The following GSKIP variants were observed in gnomAD, a reference collection of about 807,000 sequenced individuals.
GSKIP encodes the protein GSK3B-interacting protein.
In GSKIP, 5 loss-of-function variants were observed where a neutral mutation model predicts 11.9. That is an observed-to-expected ratio of 0.42 (90% CI 0.22 to 0.89). The LOEUF (loss-of-function observed/expected upper bound fraction) is 0.89. Among genes scored for constraint, GSKIP ranks in the 40% least tolerant of loss-of-function variants. The pLI is 0.29. For synonymous variants in GSKIP, 70 were observed against 62.9 expected (o/e 1.11, Z -0.54); for missense variants, 150 against 166.6 (o/e 0.90, Z 0.55).
chr14:96,370,636 T>C (rs930519), intron 1 of GSKIP, among the ~76,000 whole-genome samples: 135,747 of 152,106 alleles, frequency 0.89, 60,938 homozygotes, highest in Middle Eastern at 0.93. Flanking sequence ...ATCTCCTGCT[T>C]TCTATCTACC....
At chr14:96,376,693 TATG>T (rs1182538083) in intron 1 of GSKIP, among the ~76,000 whole-genome samples, 1 of 152,210 alleles carries the variant, frequency 6.6e-6, no homozygotes, top group Non-Finnish European at 1.5e-5. Context: ...GGAGAATAAT[TATG>T]ATGTGTGTGT....
rs1889487531 is a variant in GSKIP at position 96,386,247 on chromosome 14, ATTAC to A, written c.*567_*570del. On this transcript the variant is annotated 3_prime_UTR_variant, in exon 4 of 4. Transcript: ENST00000555181. ...ATTAATAAAGATGAATTAATTATAT[ATTAC>A]TTAACTAGTATTAAATGAAAAACAG... is the stretch of plus-strand genomic sequence containing the variant. 6.6e-6 allele frequency: 1 copy of A among 152,396 alleles called. No individual in the cohort carries two copies. Among genetic ancestry groups the A allele is most frequent in the Non-Finnish European group, 1.5e-5 (1 of 68,034 alleles). The allele number at this position is 152,396 out of a possible 1,614,324, so 9.4% of individuals were successfully genotyped here.
chr14:96,375,459 C>T lies in GSKIP; in HGVS notation c.-102-4229C>T, dbSNP rs190374649. On this transcript the variant is annotated intron_variant, in intron 1 of 3. Coordinates refer to ENST00000555181, the MANE Select transcript of GSKIP (RefSeq NM_016472.5). ...CTCTTTTTTTTTTTTTTTGAGACAG[C>T]GTCTCACTCTGTTGCCCCGGCTAGA... is the stretch of plus-strand genomic sequence containing the variant. Among the ~76,000 whole-genome samples, 578 of 146,558 alleles carry T rather than the reference C, an allele frequency of 3.9e-3. 4 individuals carry two copies. The highest frequency in any genetic ancestry group is 0.014 in the African/African-American group (559 of 39,454).
At chr14:96,376,369 C>T (rs1045331206) in intron 1 of GSKIP, among the ~76,000 whole-genome samples, 17 of 152,314 alleles carry the variant, frequency 1.1e-4, no homozygotes, top group Admixed American at 1.0e-3. Flanking sequence ...TTTTTCACAA[C>T]TCTCAAGACC....
At chr14:96,367,629 C>T (rs887744715) in intron 1 of GSKIP, among the ~76,000 whole-genome samples, 2 of 152,088 alleles carry the variant, frequency 1.3e-5, no homozygotes, top group Non-Finnish European at 2.9e-5. Flanking sequence ...ATGCTCTGAA[C>T]TCGTAATGAA....
intron 1 of GSKIP, among the ~76,000 whole-genome samples, chr14:96,372,487 G>C (rs1889074021): frequency 6.6e-6 from 1 of 152,224 alleles, no homozygotes; most frequent in South Asian, 2.1e-4. Flanking sequence ...CTGAATTTTA[G>C]AGGACTAAAA....
intron 1 of GSKIP, among the ~76,000 whole-genome samples, chr14:96,375,422 ATTTC>A (rs924152143): frequency 8.3e-5 from 12 of 144,856 alleles, no homozygotes; most frequent in Middle Eastern, 7.5e-3. Context: ...AAAGAAATTT[ATTTC>A]TTTTTCTCTC....
intron 1 of GSKIP, among the ~76,000 whole-genome samples, chr14:96,373,980 A>C (rs1271171925): frequency 1.3e-5 from 2 of 152,264 alleles, no homozygotes; most frequent in Non-Finnish European, 2.9e-5. Flanking sequence ...CCAGGCATGC[A>C]GAGCAGCAGA....
intron 1 of GSKIP, among the ~76,000 whole-genome samples, chr14:96,375,881 A>G (rs1400468512): frequency 6.6e-6 from 1 of 152,218 alleles, no homozygotes; most frequent in Non-Finnish European, 1.5e-5. Context: ...GCTGGCTCAC[A>G]TCTTTCCCCC....
At chr14:96,375,668 G>A (rs746931330) in intron 1 of GSKIP, among the ~76,000 whole-genome samples, 32 of 152,220 alleles carry the variant, frequency 2.1e-4, no homozygotes, top group African/African-American at 3.4e-4. Context: ...TCCTGACCTC[G>A]TGATCCACCC....
chr14:96,374,654 A>G (rs1400700465), intron 1 of GSKIP, among the ~76,000 whole-genome samples: 2 of 152,216 alleles, frequency 1.3e-5, no homozygotes, highest in Admixed American at 1.3e-4. Context: ...GGTGTATGCT[A>G]CTGCATCCAA....
chr14:96,378,013 G>A (rs1889247564), intron 1 of GSKIP, among the ~76,000 whole-genome samples: 1 of 152,190 alleles, frequency 6.6e-6, no homozygotes, highest in South Asian at 2.1e-4. Flanking sequence ...TTTAAGAGAA[G>A]CATGTAAACT....
intron 1 of GSKIP, among the ~76,000 whole-genome samples, chr14:96,366,839 G>A (rs1346154182): frequency 6.6e-6 from 1 of 152,252 alleles, no homozygotes; most frequent in African/African-American, 2.4e-5. Context: ...GTATGCCAGA[G>A]GCTAAATGGG....
At chr14:96,373,059 G>GT (rs1889093869) in intron 1 of GSKIP, among the ~76,000 whole-genome samples, 1 of 151,750 alleles carries the variant, frequency 6.6e-6, no homozygotes, top group Non-Finnish European at 1.5e-5. Flanking sequence ...ATGAAACCCC[G>GT]TCTATACTAA....
intron 3 of GSKIP, among the ~76,000 whole-genome samples, chr14:96,383,394 TAAAAAAA>T (rs35652932): frequency 1.4e-5 from 2 of 140,388 alleles, no homozygotes; most frequent in Admixed American, 7.1e-5. Flanking sequence ...AGACCCTGTT[TAAAAAAA>T]AAAAAAAACT....
intron 1 of GSKIP, among the ~76,000 whole-genome samples, chr14:96,370,402 G>A (rs1000064310): frequency 7.3e-5 from 11 of 151,204 alleles, no homozygotes; most frequent in Non-Finnish European, 1.6e-4. Context: ...GATATGGTTC[G>A]TTTGGCCCCA....
intron 1 of GSKIP, among the ~76,000 whole-genome samples, chr14:96,376,704 T>C (rs1193634957): frequency 6.6e-6 from 1 of 152,236 alleles, no homozygotes; most frequent in Admixed American, 6.5e-5. Context: ...ATGATGTGTG[T>C]GTATGGCATT....
Position 96,386,433 on chromosome 14 carries a change from G to T in GSKIP, c.*749G>T, listed in dbSNP as rs968025614. The stretch of plus-strand genomic sequence containing the variant: ...CTTCATTCTTTTTCTTAACAAAAAA[G>T]CATCTTCAGTGTGTGATTTAAAAGA... On this transcript the variant is annotated 3_prime_UTR_variant, in exon 4 of 4. Transcript: ENST00000555181. 3.9e-5 allele frequency: 6 copies of T among 152,648 alleles called. No individual in the cohort carries two copies. The highest frequency in any genetic ancestry group is 1.2e-4 in the African/African-American group (5 of 41,558). 9.5% of individuals were successfully genotyped at this position (152,648 alleles called of 1,614,324 possible). A position where few individuals can be genotyped will look rare whatever the true frequency, so the allele number is the denominator to read the frequency against.
At chr14:96,377,985 A>G (rs1179117655) in intron 1 of GSKIP, among the ~76,000 whole-genome samples, 1 of 152,190 alleles carries the variant, frequency 6.6e-6, no homozygotes, top group African/African-American at 2.4e-5. Flanking sequence ...TGGGCTTGGC[A>G]AGTACTCTAG....
Sources: allele counts gnomAD v4.1 joint callset (sites outside exome capture counted in the v4.1 genomes callset), GRCh38; gene constraint gnomAD v4.1.1; transcripts MANE v1.5; gene names NCBI Gene and HGNC (gene_info 2026-07-23, HGNC 2026-07-21).